Variants in MAST4 observed in about 807,000 individuals in gnomAD.
The protein encoded by MAST4 is microtubule-associated serine/threonine-protein kinase 4.
In MAST4, 89 loss-of-function variants were observed where a neutral mutation model predicts 162.7. That is an observed-to-expected ratio of 0.55 (90% CI 0.46 to 0.65). The LOEUF (loss-of-function observed/expected upper bound fraction) is 0.65. MAST4 is among the 30% of genes least tolerant of loss of function. The pLI is 0.00. For missense variants in MAST4, 3,153 were observed against 3,374.0 expected, an observed-to-expected ratio of 0.93 and a Z score of 1.62; for synonymous variants, 1,479 against 1,361.1, an observed-to-expected ratio of 1.09 and a Z score of -1.91.
intron 3 of MAST4, among the ~76,000 whole-genome samples, chr5:66,805,361 C>A (rs1168948591): frequency 1.3e-5 from 2 of 152,304 alleles, no homozygotes; most frequent in East Asian, 3.9e-4. Flanking sequence ...TAAAATTCTT[C>A]TCATTTCATG....
At chr5:66,763,266 A>C (rs1753934740) in intron 2 of MAST4, among the ~76,000 whole-genome samples, 1 of 152,226 alleles carries the variant, frequency 6.6e-6, no homozygotes, top group Non-Finnish European at 1.5e-5. Flanking sequence ...AGTGAATCTT[A>C]GGTGGGAAAA....
intron 4 of MAST4, among the ~76,000 whole-genome samples, chr5:66,933,269 G>T (rs527298540): frequency 6.6e-6 from 1 of 152,226 alleles, no homozygotes; most frequent in African/African-American, 2.4e-5. Flanking sequence ...GTGACGAACT[G>T]TTTTCATAAT....
At chr5:66,726,800 A>G (rs1161925017) in intron 1 of MAST4, among the ~76,000 whole-genome samples, 1 of 152,100 alleles carries the variant, frequency 6.6e-6, no homozygotes, top group East Asian at 1.9e-4. Context: ...AACTGCGCAT[A>G]CGAGGGATCT....
At chr5:66,912,756 A>C (rs1016868504) in intron 4 of MAST4, among the ~76,000 whole-genome samples, 5 of 152,094 alleles carry the variant, frequency 3.3e-5, no homozygotes, top group Non-Finnish European at 5.9e-5. Context: ...TGTTTTGCTG[A>C]AAGATGTTGG....
At chr5:67,078,616 ATATT>A (rs1236758350) in intron 5 of MAST4, among the ~76,000 whole-genome samples, 1 of 142,712 alleles carries the variant, frequency 7.0e-6, no homozygotes, top group Non-Finnish European at 1.5e-5. Flanking sequence ...CTGGAAATAT[ATATT>A]TATATATTTA....
At chr5:66,685,926 A>G (rs534963971) in intron 1 of MAST4, among the ~76,000 whole-genome samples, 17 of 152,264 alleles carry the variant, frequency 1.1e-4, no homozygotes, top group African/African-American at 4.1e-4. Flanking sequence ...TCCACCTCAG[A>G]TCATTAGGCA....
chr5:66,901,218 T>G (rs1762991297), intron 4 of MAST4, among the ~76,000 whole-genome samples: 2 of 152,160 alleles, frequency 1.3e-5, no homozygotes, highest in South Asian at 4.1e-4. Context: ...ATTTAAGGCT[T>G]AAGCACCCTT....
chr5:66,880,047 G>C (rs1017003982), intron 3 of MAST4, among the ~76,000 whole-genome samples: 5 of 152,182 alleles, frequency 3.3e-5, no homozygotes, highest in Admixed American at 3.3e-4. Context: ...TCTTTTAGTA[G>C]TTAAGTGGAT....
chr5:66,829,860 T>A (rs1173727124), intron 3 of MAST4, among the ~76,000 whole-genome samples: 1 of 151,906 alleles, frequency 6.6e-6, no homozygotes, highest in Non-Finnish European at 1.5e-5. Context: ...AATATTAATA[T>A]AGGCAACGAA....
rs1411219589 is a variant in MAST4 at position 67,167,657 on chromosome 5, C to G, written c.*606C>G. On this transcript the variant is annotated 3_prime_UTR_variant, in exon 29 of 29. Coordinates refer to ENST00000403625, the MANE Select transcript of MAST4 (RefSeq NM_001164664.2). The stretch of plus-strand genomic sequence containing the variant: ...TTCTGAGTTTTTATGTGTATTTTAA[C>G]CAGAGTTTCTGATAGTACTGTATCT... 6.6e-6 allele frequency: 1 copy of G among 152,222 alleles called. No individual in the cohort carries two copies. Among genetic ancestry groups the G allele is most frequent in the African/African-American group, 2.4e-5 (1 of 41,458 alleles). The allele number at this position is 152,222 out of a possible 1,614,324, so 9.4% of individuals were successfully genotyped here.
At chr5:66,851,330 G>A (rs1194548265) in intron 3 of MAST4, among the ~76,000 whole-genome samples, 1 of 152,206 alleles carries the variant, frequency 6.6e-6, no homozygotes, top group Non-Finnish European at 1.5e-5. Flanking sequence ...AAAGAGTTGG[G>A]TAGAGCATCT....
chr5:67,154,157 G>C (rs1458104841), intron 26 of MAST4, among the ~76,000 whole-genome samples: 1 of 152,174 alleles, frequency 6.6e-6, no homozygotes, highest in Non-Finnish European at 1.5e-5. Context: ...GCAGAATATA[G>C]CCTATGGAGT....
Position 67,054,512 on chromosome 5 carries a change from TGA to T in MAST4, c.763+22_763+23del. On this transcript the variant is annotated intron_variant, in intron 5 of 28. Coordinates refer to ENST00000403625, the MANE Select transcript of MAST4 (RefSeq NM_001164664.2). Reference sequence around the variant, plus strand: ...ATGCAGGTAATTGGTTACCATTTCTTGAGTTTTGTTTTATTTCTTTATTTGTT... The same window carrying T: ...ATGCAGGTAATTGGTTACCATTTCTTGTTTTGTTTTATTTCTTTATTTGTT... The T allele has an allele frequency of 1.9e-6, 3 of 1,578,658 alleles. No individual in the cohort carries two copies. The highest frequency in any genetic ancestry group is 2.6e-6 in the Non-Finnish European group (3 of 1,164,332).
chr5:66,697,326 A>G (rs917563468), intron 1 of MAST4, among the ~76,000 whole-genome samples: 1 of 152,250 alleles, frequency 6.6e-6, no homozygotes. Flanking sequence ...ACGATGTTTC[A>G]AAATTATGCA....
intron 3 of MAST4, among the ~76,000 whole-genome samples, chr5:66,877,271 A>T (rs180985356): frequency 6.6e-6 from 1 of 152,202 alleles, no homozygotes; most frequent in African/African-American, 2.4e-5. Context: ...AAGTACTGCT[A>T]TGGGGAGCAA....
chr5:66,723,690 C>T (rs901705057), intron 1 of MAST4, among the ~76,000 whole-genome samples: 2 of 152,132 alleles, frequency 1.3e-5, no homozygotes, highest in African/African-American at 4.8e-5. Flanking sequence ...GGAGGTGCTA[C>T]TTGTGTGCTT....
At chr5:66,990,235 A>G (rs894807439) in intron 4 of MAST4, among the ~76,000 whole-genome samples, 16 of 152,192 alleles carry the variant, frequency 1.1e-4, no homozygotes, top group Non-Finnish European at 1.8e-4. Flanking sequence ...CAACAGTCCT[A>G]TGAGGTAAGT....
At chr5:67,079,057 C>T (rs1762294084) in intron 5 of MAST4, among the ~76,000 whole-genome samples, 1 of 147,824 alleles carries the variant, frequency 6.8e-6, no homozygotes, top group Non-Finnish European at 1.5e-5. Flanking sequence ...AATATCAGTG[C>T]AGTGTCTTTG....
Position 67,027,260 on chromosome 5 carries a change from A to C in MAST4, c.675-27144A>C, listed in dbSNP as rs115580712. Among the ~76,000 whole-genome samples the C allele has an allele frequency of 7.9e-3, 1,209 of 152,290 alleles. 12 individuals carry two copies. Among genetic ancestry groups the C allele is most frequent in the African/African-American group, 0.027 (1,120 of 41,564 alleles). On this transcript the variant is annotated intron_variant, in intron 4 of 28. Coordinates refer to ENST00000403625, the MANE Select transcript of MAST4 (RefSeq NM_001164664.2). Reference sequence around the variant, plus strand: ...TCACTGAAATATATAATTATTACAAAAAGAAAATAAACTGTATCTGTCTTG... The same window carrying C: ...TCACTGAAATATATAATTATTACAACAAGAAAATAAACTGTATCTGTCTTG...
Sources: allele counts gnomAD v4.1 joint callset (sites outside exome capture counted in the v4.1 genomes callset), GRCh38; gene constraint gnomAD v4.1.1; transcripts MANE v1.5; gene names NCBI Gene and HGNC (gene_info 2026-07-23, HGNC 2026-07-21).